TFPI: variants seen among roughly 807,000 people sequenced by gnomAD.
The protein encoded by TFPI is anti-convertin.
A neutral mutation model predicts 34.6 loss-of-function variants in TFPI; 15 were observed. The observed-to-expected ratio is 0.43, with a 90% CI of 0.29 to 0.67. The LOEUF (loss-of-function observed/expected upper bound fraction) is 0.67. Ranked by LOEUF, TFPI falls within the 30% of genes least tolerant of loss-of-function variation. The pLI, the probability that TFPI is intolerant of heterozygous loss-of-function variation, is 0.15. For synonymous variants in TFPI, 105 were observed against 120.1 expected (o/e 0.87, Z 0.82); for missense variants, 301 against 364.0 (o/e 0.83, Z 1.41).
intron 1 of TFPI, among the ~76,000 whole-genome samples, chr2:187,505,997 T>TAA (rs201544212): frequency 2.6e-5 from 4 of 151,684 alleles, no homozygotes; most frequent in African/African-American, 7.3e-5. Flanking sequence ...ATTTTTTTTT[T>TAA]AAAAAAAAGA....
chr2:187,474,190 A>T (rs1278160725), intron 6 of TFPI, among the ~76,000 whole-genome samples: 4 of 152,168 alleles, frequency 2.6e-5, no homozygotes, highest in Non-Finnish European at 5.9e-5. Flanking sequence ...ATATATGTAA[A>T]ATTTTAAGCC....
intron 1 of TFPI, among the ~76,000 whole-genome samples, chr2:187,529,074 G>C (rs879785936): frequency 3.3e-5 from 5 of 152,114 alleles, no homozygotes; most frequent in Non-Finnish European, 7.4e-5. Flanking sequence ...AATTTATGTT[G>C]ATAGTTAACT....
chr2:187,470,845 C>T (rs145265778), intron 6 of TFPI, among the ~76,000 whole-genome samples: 1 of 152,322 alleles, frequency 6.6e-6, no homozygotes, highest in African/African-American at 2.4e-5. Flanking sequence ...CTGCTTCTGA[C>T]AGCCTGGGAT....
At chr2:187,511,828 G>A (rs937475194) in intron 1 of TFPI, among the ~76,000 whole-genome samples, 8 of 151,910 alleles carry the variant, frequency 5.3e-5, no homozygotes, top group Non-Finnish European at 1.5e-5. Flanking sequence ...CAGAGAGAGA[G>A]AGATAGAGGA....
chr2:187,518,730 G>C (rs1381747206), intron 1 of TFPI: 1 of 152,216 alleles, frequency 6.6e-6, no homozygotes. Context: ...ATCCCGAAGA[G>C]TGTTTTCCAG....
intron 1 of TFPI, among the ~76,000 whole-genome samples, chr2:187,506,300 G>T (rs1686215101): frequency 6.6e-6 from 1 of 151,818 alleles, no homozygotes; most frequent in Admixed American, 6.6e-5. Flanking sequence ...CTTTCTAATA[G>T]AAACATCTTC....
intron 1 of TFPI, chr2:187,518,412 T>A (rs1687152331): frequency 6.6e-6 from 1 of 152,238 alleles, no homozygotes; most frequent in Admixed American, 6.5e-5. Context: ...TTAATTTGGC[T>A]GGATACGAAA....
At chr2:187,548,910 C>T (rs1688994624) in intron 1 of TFPI, among the ~76,000 whole-genome samples, 1 of 152,030 alleles carries the variant, frequency 6.6e-6, no homozygotes, top group Non-Finnish European at 1.5e-5. Context: ...AAAAATCATA[C>T]TAAGGAAAGT....
At chr2:187,473,832 G>C (rs1288621467) in intron 6 of TFPI, among the ~76,000 whole-genome samples, 1 of 151,028 alleles carries the variant, frequency 6.6e-6, no homozygotes, top group Admixed American at 6.6e-5. Context: ...TGTGTATACT[G>C]GGCCACTTAC....
chr2:187,533,327 T>C (rs1688069695), intron 1 of TFPI, among the ~76,000 whole-genome samples: 1 of 152,030 alleles, frequency 6.6e-6, no homozygotes. Context: ...CCAGCTGGCA[T>C]ATGGTGGGTT....
chr2:187,512,733 A>T (rs1334478120), intron 1 of TFPI, among the ~76,000 whole-genome samples: 4 of 152,120 alleles, frequency 2.6e-5, no homozygotes, highest in Non-Finnish European at 4.4e-5. Flanking sequence ...TCCACTTTGG[A>T]AAAGAATGGT....
At chr2:187,503,462 TACACACACACAC>T (rs138349562) in intron 2 of TFPI, among the ~76,000 whole-genome samples, 174 bp downstream of exon 2, 44 of 142,320 alleles carry the variant, frequency 3.1e-4, no homozygotes, top group East Asian at 1.4e-3. Flanking sequence ...CATGTGCATG[TACACACACACAC>T]ACACACACAC....
At chr2:187,503,964 C>T (rs1212561374) in intron 1 of TFPI, among the ~76,000 whole-genome samples, 194 bp from the exon 2 acceptor site, 2 of 152,048 alleles carry the variant, frequency 1.3e-5, no homozygotes, top group Admixed American at 6.6e-5. Context: ...TATGGGCAAA[C>T]ACATTCAGTG....
In TFPI at chr2:187,478,603, C is replaced by A. The variant is rs561128143; in HGVS notation, c.628+5521G>T. 9.8e-6 allele frequency: 15 copies of A among 1,529,500 alleles called. No homozygotes were observed. The East Asian group carries it at 3.5e-4, about 36-fold the overall frequency. 94.7% of individuals were successfully genotyped at this position (1,529,500 alleles called of 1,614,324 possible). A position where few individuals can be genotyped will look rare whatever the true frequency, so the allele number is the denominator to read the frequency against. ...TTTACTATGCATGTAAATATTAAAA[C>A]TTTATTAGCAGTATGCTATCAAAGG... is the stretch of plus-strand genomic sequence containing the variant. On this transcript the variant is annotated intron_variant, in intron 6 of 7. Transcript: ENST00000233156.
intron 4 of TFPI, among the ~76,000 whole-genome samples, 168 bp from the exon 5 acceptor site, chr2:187,485,155 A>G (rs918057262): frequency 4.0e-5 from 6 of 151,818 alleles, no homozygotes; most frequent in Non-Finnish European, 5.9e-5. Flanking sequence ...ATTATCTACC[A>G]TATTTTGGGA....
chr2:187,469,051 C>G (rs1443928760), intron 6 of TFPI, among the ~76,000 whole-genome samples: 4 of 151,600 alleles, frequency 2.6e-5, no homozygotes, highest in Non-Finnish European at 4.4e-5. Context: ...GATGAACAGA[C>G]TGTAAAAGAA....
intron 1 of TFPI, among the ~76,000 whole-genome samples, chr2:187,537,195 A>G (rs902454090): frequency 2.0e-4 from 30 of 152,236 alleles, no homozygotes; most frequent in Non-Finnish European, 1.0e-4. Context: ...TATCCCCATC[A>G]AGCTACCATT....
At chr2:187,492,567 T>C (rs1685188045) in intron 3 of TFPI, among the ~76,000 whole-genome samples, 1 of 152,174 alleles carries the variant, frequency 6.6e-6, no homozygotes, top group African/African-American at 2.4e-5. Context: ...CCCTGCAAAG[T>C]CACAAGGGCA....
intron 1 of TFPI, chr2:187,515,072 C>A (rs1383603666): frequency 6.6e-6 from 1 of 152,160 alleles, no homozygotes. Flanking sequence ...AGAGTTTTGA[C>A]CCAGACCATG....
Sources: allele counts gnomAD v4.1 joint callset (sites outside exome capture counted in the v4.1 genomes callset), GRCh38; gene constraint gnomAD v4.1.1; transcripts MANE v1.5; gene names NCBI Gene and HGNC (gene_info 2026-07-23, HGNC 2026-07-21).